CFHR3: variants seen among roughly 807,000 people sequenced by gnomAD.
CFHR3 encodes the protein complement factor H-related protein 3.
A neutral mutation model predicts 36.0 loss-of-function variants in CFHR3; 22 were observed. That is an observed-to-expected ratio of 0.61 (90% CI 0.44 to 0.87). The LOEUF (loss-of-function observed/expected upper bound fraction) is 0.87. CFHR3 is among the 40% of genes least tolerant of loss of function. The pLI is 0.00. For missense variants in CFHR3, 276 were observed against 401.3 expected, an observed-to-expected ratio of 0.69 and a Z score of 2.67; for synonymous variants, 97 against 137.4, an observed-to-expected ratio of 0.71 and a Z score of 2.06.
rs532073131 is a variant in CFHR3 at position 196,777,739 on chromosome 1, C to A, written c.59-1423C>A. Among the ~76,000 whole-genome samples, 8 of 135,662 alleles carry A rather than the reference C, an allele frequency of 5.9e-5. 1 individual carries two copies. The highest frequency in any genetic ancestry group is 1.2e-4 in the Non-Finnish European group (8 of 64,200). The allele number at this position is 135,662 out of a possible 152,430, so 89.0% of individuals were successfully genotyped here. ...CGGGGGGCTCCTGCCTTAATCCCAG[C>A]ACTTTCGGGGGCCAAGGCGCGCGGA... On this transcript the variant is annotated intron_variant, in intron 1 of 5. Transcript: ENST00000367425.
chr1:196,783,347 T>C (rs1558199110), intron 3 of CFHR3, among the ~76,000 whole-genome samples: 1 of 135,184 alleles, frequency 7.4e-6, no homozygotes, highest in Non-Finnish European at 1.6e-5. Context: ...TCCCTCTTTT[T>C]CTATTGATTG....
At chr1:196,775,888 C>G (rs1337617947) in intron 1 of CFHR3, among the ~76,000 whole-genome samples, 2 of 136,946 alleles carry the variant, frequency 1.5e-5, no homozygotes, top group African/African-American at 6.1e-5. Context: ...CTCAACCACT[C>G]TTCGCGAAGC....
chr1:196,789,583 T>A, intron 4 of CFHR3: 2 of 1,244,038 alleles, frequency 1.6e-6, no homozygotes, highest in Non-Finnish European at 1.1e-6. Context: ...AGTAAATCGT[T>A]ACATAACTAC....
rs533244932 is a variant in CFHR3 at position 196,781,175 on chromosome 1, C to T, written c.430+1202C>T. Among the ~76,000 whole-genome samples, 27 of 135,184 alleles carry T rather than the reference C, an allele frequency of 2.0e-4. 6 individuals are homozygous for T. Among genetic ancestry groups the T allele is most frequent in the African/African-American group, 7.8e-4 (25 of 32,042 alleles). The allele number at this position is 135,184 out of a possible 152,430, so 88.7% of individuals were successfully genotyped here. A position where few individuals can be genotyped will look rare whatever the true frequency, so the allele number is the denominator to read the frequency against. On this transcript the variant is annotated intron_variant, in intron 3 of 5. Transcript: ENST00000367425. ...CATAGAATTCCATGGTGTATATGTG[C>T]CACATTTTCTTAATCCAGTCTATCA...
rs186971256 is a variant in CFHR3, at chr1:196,789,126, G to A, written c.613+728G>A. 404 of 1,006,782 alleles carry A rather than the reference G, an allele frequency of 4.0e-4. 22 individuals are homozygous for A. The East Asian group carries it at 0.019, about 48-fold the overall frequency. The allele number at this position is 1,006,782 out of a possible 1,614,324, so 62.4% of individuals were successfully genotyped here. A position where few individuals can be genotyped will look rare whatever the true frequency, so the allele number is the denominator to read the frequency against. ...TTTCCTCTTTATATATTCACAAAGAGTTTTAAAGATAAATTGCTGAATGTA... is the reference window on the plus strand; with the variant it reads ...TTTCCTCTTTATATATTCACAAAGAATTTTAAAGATAAATTGCTGAATGTA... On this transcript the variant is annotated intron_variant, in intron 4 of 5. Transcript: ENST00000367425.
Position 196,795,057 on chromosome 1 carries a change from T to G in CFHR3, c.*1544T>G, listed in dbSNP as rs61822226. ...TGTTTTATTAATTCCAGTGACTAAT[T>G]CTACTTCATCAACATACATCATAAA... On this transcript the variant is annotated 3_prime_UTR_variant, in exon 6 of 6. Transcript: ENST00000367425. 0.018 allele frequency: 2,511 copies of G among 136,664 alleles called. 427 individuals carry two copies. The highest frequency in any genetic ancestry group is 0.026 in the Non-Finnish European group (1,674 of 64,582). 8.5% of individuals were successfully genotyped at this position (136,664 alleles called of 1,614,324 possible).
At position 196,779,294 on chromosome 1, in the gene CFHR3, G is replaced by A; in HGVS notation, c.191G>A (p.Gly64Glu). 6.5e-7 allele frequency: 1 copy of A among 1,529,452 alleles called. No individual in the cohort carries two copies. Among genetic ancestry groups the A allele is most frequent in the Non-Finnish European group, 8.8e-7 (1 of 1,130,198 alleles). The allele number at this position is 1,529,452 out of a possible 1,614,324, so 94.7% of individuals were successfully genotyped here. A position where few individuals can be genotyped will look rare whatever the true frequency, so the allele number is the denominator to read the frequency against. Residue 64 changes from glycine to glutamate, a missense_variant, in exon 2 of 6, where the codon GGA becomes GAA. Coordinates refer to ENST00000367425, the MANE Select transcript of CFHR3 (RefSeq NM_021023.6). ...GATGAACATTTTGAGACTCCTTCAG[G>A]AAGTTACTGGGATTACATTCATTGC... Reference protein sequence around the residue: ...YCDEHFETPSGSYWDYIHCTQ... With the variant: ...YCDEHFETPSESYWDYIHCTQ...
rs753610545 is a variant in CFHR3, at chr1:196,779,933, G to A, written c.390G>A (p.Thr130=). 3.9e-6 allele frequency: 6 copies of A among 1,533,046 alleles called. No homozygotes were observed. Among genetic ancestry groups the A allele is most frequent in the Admixed American group, 3.4e-5 (2 of 58,194 alleles). 95.0% of individuals were successfully genotyped at this position (1,533,046 alleles called of 1,614,324 possible). A position where few individuals can be genotyped will look rare whatever the true frequency, so the allele number is the denominator to read the frequency against. ...LPKAQTTVTC[T]EKGWSPTPRC... is the part of the protein sequence containing the mutation. The stretch of plus-strand genomic sequence containing the variant: ...AAGCGCAGACCACAGTTACATGTAC[G>A]GAGAAAGGCTGGTCTCCTACTCCCA... Residue 130 remains threonine, a synonymous_variant, in exon 3 of 6, where the codon ACG becomes ACA. Transcript: ENST00000367425.
chr1:196,787,537 G>A (rs58666736), intron 3 of CFHR3, among the ~76,000 whole-genome samples: 2,460 of 136,874 alleles, frequency 0.018, 615 homozygotes, highest in African/African-American at 0.068. Context: ...TAAAACATAT[G>A]CGTTACTAAA....
In CFHR3 at chr1:196,779,871, A is replaced by G. The variant is rs748702882; in HGVS notation, c.328A>G (p.Thr110Ala). 6.6e-5 allele frequency: 101 copies of G among 1,533,242 alleles called. 17 individuals carry two copies. The highest frequency in any genetic ancestry group is 2.9e-4 in the Admixed American group (17 of 58,142). 95.0% of individuals were successfully genotyped at this position (1,533,242 alleles called of 1,614,324 possible). Residue 110 changes from threonine to alanine, a missense_variant, in exon 3 of 6, where the codon ACA (threonine) becomes GCA (alanine). Thr to Ala is a moderately conservative substitution (Grantham distance 58). Around this residue, in one of 3 missense-constraint regions of CFHR3, gnomAD observed 178 missense variants for 247.2 expected, o/e 0.72. Transcript: ENST00000367425. ...AAGAAAGTTTGTACAGGGTAACTCT[A>G]CAGAAGTTGCCTGCCATCCTGGCTA... is the stretch of plus-strand genomic sequence containing the variant. The part of the protein sequence containing the change: ...YGRKFVQGNS[T>A]EVACHPGYGL...
Position 196,792,287 on chromosome 1 carries a change from T to C in CFHR3, c.797-1030T>C, listed in dbSNP as rs540056992. On this transcript the variant is annotated intron_variant, in intron 5 of 5. Transcript: ENST00000367425. ...ATTAAAATATGATTGGGGAAATTTC[T>C]AAAGAAATGCTAATGCTAATAAGGG... is the stretch of plus-strand genomic sequence containing the variant. 1.9e-4 allele frequency among the ~76,000 whole-genome samples: 21 copies of C among 112,704 alleles called. 5 individuals are homozygous for C. The highest frequency in any genetic ancestry group is 3.6e-4 in the Non-Finnish European group (21 of 57,636). The allele number at this position is 112,704 out of a possible 152,430, so 73.9% of individuals were successfully genotyped here.
rs548560485 is a variant in CFHR3, at chr1:196,788,249, A to C, written c.464A>C (p.Asn155Thr). Residue 155 changes from asparagine (N) to threonine (T), a missense_variant, in exon 4 of 6, where the codon AAT becomes ACT. Asn to Thr is a moderately conservative substitution (Grantham distance 65, BLOSUM62 0). Coordinates refer to ENST00000367425, the MANE Select transcript of CFHR3 (RefSeq NM_021023.6). Reference sequence around the variant, plus strand: ...TCAAAATCAGATATAGAAATTGAAAATGGATTCATTTCCGAATCTTCCTCT... The same window carrying C: ...TCAAAATCAGATATAGAAATTGAAACTGGATTCATTTCCGAATCTTCCTCT... ...TCSKSDIEIE[N>T]GFISESSSIY... 3 of 1,411,020 alleles carry C rather than the reference A, an allele frequency of 2.1e-6. No individual in the cohort carries two copies. 87.4% of individuals were successfully genotyped at this position (1,411,020 alleles called of 1,614,324 possible).
rs183661306 is a variant in CFHR3, at chr1:196,786,141, C to T, written c.431-2075C>T. ...GGATTTTCATGAACCGCGAATGCTG[C>T]TGTATGATGGTTCCTCTGGAAGTTT... On this transcript the variant is annotated intron_variant, in intron 3 of 5. Transcript: ENST00000367425. 5.0e-3 allele frequency among the ~76,000 whole-genome samples: 685 copies of T among 136,484 alleles called. 179 individuals are homozygous for T. Among genetic ancestry groups the T allele is most frequent in the African/African-American group, 0.02 (662 of 32,502 alleles). 89.5% of individuals were successfully genotyped at this position (136,484 alleles called of 152,430 possible). A position where few individuals can be genotyped will look rare whatever the true frequency, so the allele number is the denominator to read the frequency against.
At chr1:196,776,267 C>T (rs1653713843) in intron 1 of CFHR3, among the ~76,000 whole-genome samples, 1 of 136,350 alleles carries the variant, frequency 7.3e-6, no homozygotes, top group Admixed American at 7.1e-5. Context: ...CCAATGAACT[C>T]TTTGTAAGAG....
chr1:196,785,096 G>A (rs1292719891), intron 3 of CFHR3, among the ~76,000 whole-genome samples: 1 of 136,142 alleles, frequency 7.3e-6, no homozygotes, highest in African/African-American at 3.1e-5. Flanking sequence ...ATTCTGGGTT[G>A]AAAATTCTTC....
At chr1:196,789,513 T>C (rs1654339598) in intron 4 of CFHR3, 6 of 971,484 alleles carry the variant, frequency 6.2e-6, no homozygotes, top group Non-Finnish European at 7.6e-6. Flanking sequence ...GCTTCATAAA[T>C]TTTATAGAAC....
In CFHR3 at chr1:196,781,862, C is replaced by T. The variant is rs1311932017; in HGVS notation, c.430+1889C>T. Among the ~76,000 whole-genome samples, 2 of 136,356 alleles carry T rather than the reference C, an allele frequency of 1.5e-5. 1 individual carries two copies. The highest frequency in any genetic ancestry group is 3.9e-4 in the East Asian group (2 of 5,112). The allele number at this position is 136,356 out of a possible 152,430, so 89.5% of individuals were successfully genotyped here. On this transcript the variant is annotated intron_variant, in intron 3 of 5. Coordinates refer to ENST00000367425, the MANE Select transcript of CFHR3 (RefSeq NM_021023.6). Reference sequence around the variant, plus strand: ...TTGCCATTGCTTTTGGTGTTTTAGACATGAAGTCCTTGCCCATGCCTATGT... The same window carrying T: ...TTGCCATTGCTTTTGGTGTTTTAGATATGAAGTCCTTGCCCATGCCTATGT...
rs1654076823 is a variant in CFHR3, at chr1:196,783,934, G to T, written c.430+3961G>T. Among the ~76,000 whole-genome samples the T allele has an allele frequency of 3.0e-5, 4 of 134,170 alleles. 2 individuals are homozygous for T. Among genetic ancestry groups the T allele is most frequent in the Admixed American group, 2.9e-4 (4 of 13,976 alleles). 88.0% of individuals were successfully genotyped at this position (134,170 alleles called of 152,430 possible). A position where few individuals can be genotyped will look rare whatever the true frequency, so the allele number is the denominator to read the frequency against. ...GGATCTTTCCTGCTTTCTCTTGTGG[G>T]CATTTAGTGCTATAAATTTCCCTCT... is the stretch of plus-strand genomic sequence containing the variant. On this transcript the variant is annotated intron_variant, in intron 3 of 5. Coordinates refer to ENST00000367425, the MANE Select transcript of CFHR3 (RefSeq NM_021023.6).
chr1:196,777,982 TAAAAA>T lies in CFHR3; in HGVS notation c.59-1164_59-1160del, dbSNP rs202127437. Among the ~76,000 whole-genome samples the T allele has an allele frequency of 1.4e-4, 13 of 89,860 alleles. 3 individuals are homozygous for T. Among genetic ancestry groups the T allele is most frequent in the African/African-American group, 6.0e-4 (12 of 19,970 alleles). 59.0% of individuals were successfully genotyped at this position (89,860 alleles called of 152,430 possible). On this transcript the variant is annotated intron_variant, in intron 1 of 5. Coordinates refer to ENST00000367425, the MANE Select transcript of CFHR3 (RefSeq NM_021023.6). ...AGCCTTGGTGACAGAACAAGACTGTTAAAAAAAAAAAAAAAAAAAAGAAAAGAAAG... is the reference window on the plus strand; with the variant it reads ...AGCCTTGGTGACAGAACAAGACTGTTAAAAAAAAAAAAAAAGAAAAGAAAG...
Sources: allele counts gnomAD v4.1 joint callset (sites outside exome capture counted in the v4.1 genomes callset), GRCh38; gene constraint gnomAD v4.1.1; regional missense constraint gnomAD v4.1.1; transcripts MANE v1.5; gene names NCBI Gene and HGNC (gene_info 2026-07-23, HGNC 2026-07-21).